SGCZ: variants seen among roughly 807,000 people sequenced by gnomAD.
The protein encoded by SGCZ is sarcoglycan zeta.
SGCZ carries 40 observed loss-of-function variants against 41.3 expected under a neutral mutation model. The observed-to-expected ratio is 0.97, with a 90% CI of 0.75 to 1.26. The LOEUF is 1.26. SGCZ is among the 50% of genes most tolerant of loss of function. The pLI, the probability that SGCZ is intolerant of heterozygous loss-of-function variation, is 0.00. For synonymous variants in SGCZ, 206 were observed against 137.5 expected (o/e 1.50, Z -3.49); for missense variants, 552 against 369.8 (o/e 1.49, Z -4.04).
At chr8:14,814,798 A>G (rs776099850) in intron 1 of SGCZ, among the ~76,000 whole-genome samples, 1 of 152,136 alleles carries the variant, frequency 6.6e-6, no homozygotes, top group Non-Finnish European at 1.5e-5. Context: ...AGGTATTATG[A>G]CTGAAAACAG....
At chr8:14,277,590 G>A (rs921892605) in intron 3 of SGCZ, among the ~76,000 whole-genome samples, 1 of 152,136 alleles carries the variant, frequency 6.6e-6, no homozygotes, top group Non-Finnish European at 1.5e-5. Flanking sequence ...TTATTAAATT[G>A]CTAGTAAGAT....
chr8:14,380,759 C>T (rs541480860), intron 2 of SGCZ, among the ~76,000 whole-genome samples: 13 of 151,818 alleles, frequency 8.6e-5, no homozygotes, highest in African/African-American at 2.9e-4. Flanking sequence ...CTTGGAAGGC[C>T]GAGGTAGGAG....
intron 2 of SGCZ, among the ~76,000 whole-genome samples, chr8:14,439,651 G>A (rs11203609): frequency 0.47 from 71,627 of 151,470 alleles, 17,341 homozygotes; most frequent in African/African-American, 0.55. Context: ...AATATAATCC[G>A]TAGTATAAAC....
chr8:14,561,540 C>T (rs1804208201), intron 1 of SGCZ, among the ~76,000 whole-genome samples: 1 of 152,132 alleles, frequency 6.6e-6, no homozygotes, highest in Admixed American at 6.6e-5. Context: ...CTTACAGTAA[C>T]TAGGACCCTT....
chr8:15,013,545 G>T (rs1317637030), intron 1 of SGCZ, among the ~76,000 whole-genome samples: 1 of 151,790 alleles, frequency 6.6e-6, no homozygotes, highest in Non-Finnish European at 1.5e-5. Context: ...TATTCCTTCA[G>T]TGATTCCTCC....
At chr8:14,267,092 A>G (rs548323364) in intron 3 of SGCZ, among the ~76,000 whole-genome samples, 10 of 152,234 alleles carry the variant, frequency 6.6e-5, no homozygotes, top group African/African-American at 2.2e-4. Flanking sequence ...AATTTGGAAT[A>G]TAATGAGTGT....
intron 1 of SGCZ, among the ~76,000 whole-genome samples, chr8:14,857,994 T>A (rs1204942183): frequency 2.0e-5 from 3 of 152,176 alleles, no homozygotes; most frequent in Admixed American, 1.3e-4. Flanking sequence ...CCTCATATGA[T>A]TAAAGTGTAG....
chr8:14,628,192 T>C (rs1051250573), intron 1 of SGCZ, among the ~76,000 whole-genome samples: 1 of 152,064 alleles, frequency 6.6e-6, no homozygotes, highest in African/African-American at 2.4e-5. Context: ...GGGGTTGCTG[T>C]TTGTACCAAA....
At chr8:14,775,671 G>T (rs149488266) in intron 1 of SGCZ, among the ~76,000 whole-genome samples, 6 of 152,114 alleles carry the variant, frequency 3.9e-5, no homozygotes, top group Non-Finnish European at 8.8e-5. Flanking sequence ...AAGTAAGTGT[G>T]GTTTGGATTT....
At chr8:15,123,050 G>A (rs1426665431) in intron 1 of SGCZ, among the ~76,000 whole-genome samples, 4 of 152,206 alleles carry the variant, frequency 2.6e-5, no homozygotes, top group Middle Eastern at 3.4e-3. Flanking sequence ...TCACCCAATG[G>A]CACTCTGGTA....
intron 4 of SGCZ, among the ~76,000 whole-genome samples, chr8:14,214,505 G>T (rs1001557483): frequency 1.3e-5 from 2 of 151,990 alleles, no homozygotes; most frequent in Non-Finnish European, 2.9e-5. Context: ...AGGAAAAACT[G>T]GAACTTTCTG....
At chr8:14,100,550 G>T (rs1024423493) in intron 7 of SGCZ, among the ~76,000 whole-genome samples, 1 of 81,772 alleles carries the variant, frequency 1.2e-5, no homozygotes. Context: ...TTATACATTA[G>T]ATTAATATAT....
intron 1 of SGCZ, among the ~76,000 whole-genome samples, chr8:14,662,416 G>A (rs549499443): frequency 2.0e-5 from 3 of 152,264 alleles, no homozygotes; most frequent in Non-Finnish European, 2.9e-5. Context: ...GGGAGATAAA[G>A]CACCCTTGTG....
At chr8:14,359,902 A>G (rs1803447325) in intron 2 of SGCZ, among the ~76,000 whole-genome samples, 1 of 152,192 alleles carries the variant, frequency 6.6e-6, no homozygotes. Context: ...CAATATGTTA[A>G]AAAGATCATT....
At chr8:14,198,550 T>C (rs1297379827) in intron 4 of SGCZ, among the ~76,000 whole-genome samples, 1 of 151,936 alleles carries the variant, frequency 6.6e-6, no homozygotes, top group Non-Finnish European at 1.5e-5. Flanking sequence ...TCATGTAATA[T>C]ACCTCAGAAA....
intron 1 of SGCZ, among the ~76,000 whole-genome samples, chr8:14,778,116 T>C (rs1800470442): frequency 6.6e-6 from 1 of 152,012 alleles, no homozygotes; most frequent in Admixed American, 6.6e-5. Flanking sequence ...TTTGTAAAGA[T>C]GAGGTCTCAA....
rs189564954 is a variant in SGCZ, at chr8:15,152,070, A to C, written c.39+85515T>G. 4.4e-3 allele frequency among the ~76,000 whole-genome samples: 666 copies of C among 152,350 alleles called. 2 individuals carry two copies. The highest frequency in any genetic ancestry group is 7.0e-3 in the Non-Finnish European group (475 of 68,034). The stretch of plus-strand genomic sequence containing the variant: ...ATAATAAAAGGGGTGTTTTATTATT[A>C]CTTTAATTTCCTTTTGAAAGAATCA... On this transcript the variant is annotated intron_variant, in intron 1 of 7. Coordinates refer to ENST00000382080, the MANE Select transcript of SGCZ (RefSeq NM_139167.4).
rs2116939664 is a variant in SGCZ, at chr8:14,086,645, T to A, written c.*3798A>T. ...TGAATAAGATCCAAATGCATTATTT[T>A]CCTTTTTAACGTCAACCATATTACT... is the stretch of plus-strand genomic sequence containing the variant. On this transcript the variant is annotated 3_prime_UTR_variant, in exon 8 of 8. Transcript: ENST00000382080. Among the ~76,000 whole-genome samples the A allele has an allele frequency of 6.6e-6, 1 of 151,732 alleles. No individual in the cohort carries two copies. Among genetic ancestry groups the A allele is most frequent in the East Asian group, 1.9e-4 (1 of 5,136 alleles).
chr8:14,785,316 G>A (rs1177018812), intron 1 of SGCZ, among the ~76,000 whole-genome samples: 1 of 151,878 alleles, frequency 6.6e-6, no homozygotes. Context: ...CTGAGATCTG[G>A]ATTTCAATGC....
Sources: gnomAD v4.1 joint callset for allele counts (sites outside exome capture counted in the v4.1 genomes callset) on GRCh38, gnomAD v4.1.1 for gene constraint, MANE v1.5 for transcripts, NCBI Gene and HGNC (gene_info 2026-07-23, HGNC 2026-07-21) for gene names.